The following MCC variants were observed in gnomAD, a reference collection of about 807,000 sequenced individuals.
The protein encoded by MCC is colorectal mutant cancer protein.
In MCC, 90 loss-of-function variants were observed where a neutral mutation model predicts 116.2. That is an observed-to-expected ratio of 0.77 (90% CI 0.65 to 0.92). The LOEUF is 0.92. Ranked by LOEUF, MCC falls within the 40% of genes least tolerant of loss-of-function variation. The probability of loss-of-function intolerance (pLI) is 0.00; values close to 1 mark genes in which losing one functional copy is unlikely to be tolerated. For synonymous variants in MCC, 578 were observed against 510.5 expected (o/e 1.13, Z -1.78); for missense variants, 1,516 against 1,312.2 (o/e 1.16, Z -2.40).
At chr5:113,065,808 C>G (rs4262095) in intron 13 of MCC, among the ~76,000 whole-genome samples, 151,233 of 152,356 alleles carry the variant, frequency 0.99, 75,072 homozygotes, top group Middle Eastern at 1. Flanking sequence ...GGCATGATGG[C>G]ACAGTATGAT....
At position 113,281,158 on chromosome 5, in the gene MCC, G is replaced by A. The variant is rs144026558; in HGVS notation, c.627+59361C>T. ...GCTATAAATGAAACACGTGGCCTTC[G>A]TTGCTATGGGGGATATTCCAAATCC... On this transcript the variant is annotated intron_variant, in intron 3 of 18. Transcript: ENST00000408903. Among the ~76,000 whole-genome samples the A allele has an allele frequency of 2.6e-5, 4 of 152,264 alleles. No homozygotes were observed. In the East Asian group the frequency reaches 7.7e-4, roughly 29 times the overall value.
chr5:113,022,675 A>T lies in MCC; in HGVS notation c.*4627T>A, dbSNP rs1750229153. Reference sequence around the variant, plus strand: ...TTTCCACATGAATTTGACTTGCAAAAAGTGCAAAAGGGAATGGTAGAACCA... The same window carrying T: ...TTTCCACATGAATTTGACTTGCAAATAGTGCAAAAGGGAATGGTAGAACCA... On this transcript the variant is annotated 3_prime_UTR_variant, in exon 19 of 19. Coordinates refer to ENST00000408903, the MANE Select transcript of MCC (RefSeq NM_001085377.2). 6.6e-6 allele frequency: 1 copy of T among 152,244 alleles called. No individual in the cohort carries two copies. Among genetic ancestry groups the T allele is most frequent in the Non-Finnish European group, 1.5e-5 (1 of 68,038 alleles). The allele number at this position is 152,244 out of a possible 1,614,324, so 9.4% of individuals were successfully genotyped here. A position where few individuals can be genotyped will look rare whatever the true frequency, so the allele number is the denominator to read the frequency against.
chr5:113,453,906 T>C (rs1265825542), intron 1 of MCC, among the ~76,000 whole-genome samples: 1 of 151,982 alleles, frequency 6.6e-6, no homozygotes, highest in Non-Finnish European at 1.5e-5. Flanking sequence ...AGGTTGGGAG[T>C]TCGAGACCAC....
intron 3 of MCC, among the ~76,000 whole-genome samples, chr5:113,169,168 G>A (rs2150302325): frequency 6.6e-6 from 1 of 152,048 alleles, no homozygotes; most frequent in South Asian, 2.1e-4. Context: ...CTGTTTTATA[G>A]GTAAGATGGG....
chr5:113,030,987 G>C (rs1750917151), intron 17 of MCC, among the ~76,000 whole-genome samples: 1 of 152,202 alleles, frequency 6.6e-6, no homozygotes, highest in South Asian at 2.1e-4. Context: ...TGTGACGTCG[G>C]GGTAGAAGGC....
intron 3 of MCC, among the ~76,000 whole-genome samples, chr5:113,236,886 A>T (rs904965220): frequency 6.6e-6 from 1 of 152,066 alleles, no homozygotes; most frequent in African/African-American, 2.4e-5. Flanking sequence ...GAGCATTCCC[A>T]CTCTTTTCTT....
intron 3 of MCC, among the ~76,000 whole-genome samples, chr5:113,187,100 C>T (rs183518224): frequency 2.0e-5 from 3 of 152,276 alleles, no homozygotes; most frequent in Admixed American, 1.3e-4. Flanking sequence ...CAAACCATTC[C>T]AAACTCATTT....
intron 1 of MCC, among the ~76,000 whole-genome samples, chr5:113,471,867 C>T (rs1050255905): frequency 2.6e-5 from 4 of 151,442 alleles, no homozygotes; most frequent in Admixed American, 6.6e-5. Context: ...TAATGGCGGG[C>T]GCCCCTCCCC....
At chr5:113,483,367 C>T (rs1163071740) in intron 1 of MCC, among the ~76,000 whole-genome samples, 1 of 152,128 alleles carries the variant, frequency 6.6e-6, no homozygotes, top group Admixed American at 6.5e-5. Context: ...GAAGTATTGC[C>T]ATCTTAACAA....
intron 11 of MCC, among the ~76,000 whole-genome samples, chr5:113,081,875 G>A (rs1754880390): frequency 6.6e-6 from 1 of 152,204 alleles, no homozygotes; most frequent in Non-Finnish European, 1.5e-5. Context: ...ATACACAAGA[G>A]GAATGGAATT....
chr5:113,091,633 A>G (rs1417066838), intron 8 of MCC, among the ~76,000 whole-genome samples: 1 of 152,106 alleles, frequency 6.6e-6, no homozygotes, highest in Non-Finnish European at 1.5e-5. Context: ...GGTAATCCCA[A>G]CACTTTGGGA....
At chr5:113,119,433 G>A (rs1468809980) in intron 6 of MCC, among the ~76,000 whole-genome samples, 1 of 152,212 alleles carries the variant, frequency 6.6e-6, no homozygotes, top group Non-Finnish European at 1.5e-5. Flanking sequence ...GGAAGGAACA[G>A]CCAGCACAGA....
At chr5:113,343,780 C>A (rs1305471508) in intron 2 of MCC, among the ~76,000 whole-genome samples, 1 of 152,256 alleles carries the variant, frequency 6.6e-6, no homozygotes, top group East Asian at 1.9e-4. Context: ...GGAATTAAGT[C>A]AAAATAAATT....
intron 17 of MCC, among the ~76,000 whole-genome samples, chr5:113,033,301 C>A (rs1300757775): frequency 6.6e-6 from 1 of 152,206 alleles, no homozygotes; most frequent in Admixed American, 6.5e-5. Context: ...GAGTTCCTCA[C>A]CTGGACCTGA....
intron 3 of MCC, among the ~76,000 whole-genome samples, chr5:113,245,371 A>T (rs72788608): frequency 6.6e-6 from 1 of 151,568 alleles, no homozygotes; most frequent in Non-Finnish European, 1.5e-5. Flanking sequence ...GAAATATCTT[A>T]TGTCCTCTCT....
chr5:113,212,156 A>T (rs1262292878), intron 3 of MCC, among the ~76,000 whole-genome samples: 2 of 152,244 alleles, frequency 1.3e-5, no homozygotes, highest in East Asian at 3.8e-4. Context: ...TCTCAATAAT[A>T]ACAAATTAGT....
At chr5:113,219,339 T>TG in intron 3 of MCC, among the ~76,000 whole-genome samples, 1 of 152,316 alleles carries the variant, frequency 6.6e-6, no homozygotes, top group South Asian at 2.1e-4. Context: ...AGGCCCTTCC[T>TG]GGGGGGCCCT....
chr5:113,324,492 A>G (rs1453767895), intron 3 of MCC, among the ~76,000 whole-genome samples: 1 of 152,202 alleles, frequency 6.6e-6, no homozygotes, highest in Non-Finnish European at 1.5e-5. Context: ...CATGTTGGTG[A>G]GTATCCTTCC....
At chr5:113,362,790 C>T (rs374920568) in intron 2 of MCC, among the ~76,000 whole-genome samples, 13 of 152,216 alleles carry the variant, frequency 8.5e-5, no homozygotes, top group African/African-American at 3.1e-4. Flanking sequence ...GTCCTGGTTA[C>T]TGGCACAGAG....
Sources: gnomAD v4.1 joint callset for allele counts (sites outside exome capture counted in the v4.1 genomes callset) on GRCh38, gnomAD v4.1.1 for gene constraint, MANE v1.5 for transcripts, NCBI Gene and HGNC (gene_info 2026-07-23, HGNC 2026-07-21) for gene names.